Variants in REDIC1 observed in about 807,000 individuals in gnomAD.
The protein encoded by REDIC1 is HEI10 Interacting Protein 1.
At chr12:39,776,323 T>C in the REDIC1 span, among the ~76,000 whole-genome samples, 1 of 152,076 alleles carries the variant, frequency 6.6e-6, no homozygotes, top group Non-Finnish European at 1.5e-5. Flanking sequence ...GACAGCTGAG[T>C]GGTCCCCCTC....
At chr12:39,895,813 T>C in the REDIC1 span, among the ~76,000 whole-genome samples, 371 of 86,934 alleles carry the variant, frequency 4.3e-3, 98 homozygotes, top group African/African-American at 0.019. Context: ...CGTGTATACG[T>C]ACACACATGT....
chr12:39,798,235 C>A, the REDIC1 span, among the ~76,000 whole-genome samples: 191 of 152,314 alleles, frequency 1.3e-3, no homozygotes, highest in Admixed American at 3.7e-3. Flanking sequence ...TTCAGCTCCC[C>A]TTAAGCCTTC....
chr12:39,756,681 G>T, the REDIC1 span: 4 of 151,560 alleles, frequency 2.6e-5, no homozygotes, highest in African/African-American at 9.7e-5. Context: ...TTATTTTGTT[G>T]TTAAAAAGCA....
the REDIC1 span, among the ~76,000 whole-genome samples, chr12:39,771,000 C>G: frequency 6.6e-6 from 1 of 152,108 alleles, no homozygotes; most frequent in Non-Finnish European, 1.5e-5. Flanking sequence ...GTACCTACCT[C>G]AAAAGGCTAT....
chr12:39,860,230 A>G, the REDIC1 span, among the ~76,000 whole-genome samples: 64 of 152,314 alleles, frequency 4.2e-4, no homozygotes, highest in African/African-American at 1.5e-3. Flanking sequence ...GTAAGATGTA[A>G]GTGTAGGTGT....
chr12:39,690,514 C>A, the REDIC1 span, among the ~76,000 whole-genome samples: 40 of 152,006 alleles, frequency 2.6e-4, no homozygotes, highest in Non-Finnish European at 5.0e-4. Context: ...AAAAATGAAA[C>A]CCACTTAGCA....
At chr12:39,743,855 A>G in the REDIC1 span, among the ~76,000 whole-genome samples, 1 of 152,244 alleles carries the variant, frequency 6.6e-6, no homozygotes, top group African/African-American at 2.4e-5. Context: ...GCAACTACAA[A>G]AGGTATAACA....
chr12:39,711,091 T>C, the REDIC1 span, among the ~76,000 whole-genome samples: 2 of 151,548 alleles, frequency 1.3e-5, no homozygotes, highest in Admixed American at 6.6e-5. Context: ...ATCATACTTA[T>C]GACTTTGCAT....
At chr12:39,803,415 A>G in the REDIC1 span, among the ~76,000 whole-genome samples, 1 of 152,200 alleles carries the variant, frequency 6.6e-6, no homozygotes, top group African/African-American at 2.4e-5. Context: ...ACTTTAGACC[A>G]TAAAACTATC....
At chr12:39,675,484 C>T in the REDIC1 span, among the ~76,000 whole-genome samples, 1 of 152,190 alleles carries the variant, frequency 6.6e-6, no homozygotes. Flanking sequence ...AAAGTGCCAC[C>T]TCTGGGCTGG....
At chr12:39,834,099 A>G in the REDIC1 span, among the ~76,000 whole-genome samples, 2 of 151,996 alleles carry the variant, frequency 1.3e-5, no homozygotes, top group Non-Finnish European at 2.9e-5. Flanking sequence ...ATAAAAATAT[A>G]TAGTTTTCCC....
the REDIC1 span, among the ~76,000 whole-genome samples, chr12:39,899,478 C>G: frequency 6.6e-6 from 1 of 152,106 alleles, no homozygotes; most frequent in Non-Finnish European, 1.5e-5. Context: ...GTCTCTATTT[C>G]CTTCAGTTCT....
chr12:39,822,692 C>T, the REDIC1 span, among the ~76,000 whole-genome samples: 3 of 152,238 alleles, frequency 2.0e-5, no homozygotes, highest in Admixed American at 2.0e-4. Context: ...CTTCTTTAAT[C>T]TTCTTTAGTG....
the REDIC1 span, among the ~76,000 whole-genome samples, chr12:39,833,590 C>T: frequency 2.0e-5 from 3 of 152,052 alleles, no homozygotes; most frequent in Non-Finnish European, 4.4e-5. Context: ...ACTTTTCAAC[C>T]TCTAGACTAT....
the REDIC1 span, among the ~76,000 whole-genome samples, chr12:39,893,137 T>A: frequency 5.9e-5 from 9 of 152,142 alleles, no homozygotes; most frequent in Admixed American, 5.9e-4. Context: ...CCAATGAGAG[T>A]TATCAAAAAT....
chr12:39,764,354 C>T, the REDIC1 span: 1 of 1,071,136 alleles, frequency 9.3e-7, no homozygotes, highest in African/African-American at 1.6e-5. Context: ...ATACTTATAA[C>T]AGCAAAATAT....
chr12:39,769,330 T>C, the REDIC1 span, among the ~76,000 whole-genome samples: 1 of 152,046 alleles, frequency 6.6e-6, no homozygotes, highest in Admixed American at 6.6e-5. Flanking sequence ...ATTTATCAAT[T>C]TCAGTTGAGA....
the REDIC1 span, among the ~76,000 whole-genome samples, chr12:39,812,515 C>G: frequency 6.6e-6 from 1 of 151,698 alleles, no homozygotes; most frequent in Non-Finnish European, 1.5e-5. Flanking sequence ...CTCTGTTGCT[C>G]AGGCTGGAGT....
At chr12:39,775,818 T>C in the REDIC1 span, among the ~76,000 whole-genome samples, 1 of 152,218 alleles carries the variant, frequency 6.6e-6, no homozygotes, top group African/African-American at 2.4e-5. Flanking sequence ...GTATCCCTTA[T>C]TCAAAATACT....
Sources: allele counts gnomAD v4.1 joint callset (sites outside exome capture counted in the v4.1 genomes callset), GRCh38; gene constraint gnomAD v4.1.1; transcripts MANE v1.5; gene names NCBI Gene and HGNC (gene_info 2026-07-23, HGNC 2026-07-21).